The following TMEM232 variants were observed in gnomAD, a reference collection of about 807,000 sequenced individuals.
TMEM232 encodes transmembrane protein 232.
Under a neutral mutation model 78.8 loss-of-function variants are expected in TMEM232, and 80 were observed. That is an observed-to-expected ratio of 1.01 (90% CI 0.85 to 1.22). The LOEUF (loss-of-function observed/expected upper bound fraction) is 1.22. TMEM232 is among the 50% of genes most tolerant of loss of function. TMEM232 has a pLI of 0.00. For missense variants in TMEM232, 881 were observed against 742.2 expected, an observed-to-expected ratio of 1.19 and a Z score of -2.17; for synonymous variants, 297 against 254.3, an observed-to-expected ratio of 1.17 and a Z score of -1.60.
intron 1 of TMEM232, among the ~76,000 whole-genome samples, chr5:110,719,059 C>G (rs1241354421): frequency 6.6e-6 from 1 of 151,966 alleles, no homozygotes; most frequent in East Asian, 1.9e-4. Context: ...ATAGTAGCAC[C>G]TACTACACAC....
At chr5:110,446,810 A>G (rs1046344745) in intron 12 of TMEM232, among the ~76,000 whole-genome samples, 2 of 152,098 alleles carry the variant, frequency 1.3e-5, no homozygotes, top group South Asian at 4.1e-4. Context: ...GAAATCTGCT[A>G]TGTTGGGTTT....
intron 1 of TMEM232, among the ~76,000 whole-genome samples, chr5:110,718,321 A>T (rs1225982707): frequency 6.6e-6 from 1 of 152,178 alleles, no homozygotes; most frequent in African/African-American, 2.4e-5. Flanking sequence ...CAGGATTATT[A>T]TGAAGTTTTC....
intron 12 of TMEM232, among the ~76,000 whole-genome samples, chr5:110,472,374 A>G (rs529523954): frequency 1.3e-5 from 2 of 151,976 alleles, no homozygotes; most frequent in African/African-American, 4.8e-5. Context: ...ACTATAAAAC[A>G]CTGATTATAA....
At chr5:110,542,197 GGT>G (rs1284289757) in intron 11 of TMEM232, among the ~76,000 whole-genome samples, 3 of 152,046 alleles carry the variant, frequency 2.0e-5, no homozygotes, top group African/African-American at 4.8e-5. Context: ...AACTTTCCTT[GGT>G]GTCTTTGTTG....
intron 1 of TMEM232, among the ~76,000 whole-genome samples, chr5:110,700,069 A>G (rs1014078286): frequency 6.6e-6 from 1 of 152,070 alleles, no homozygotes; most frequent in African/African-American, 2.4e-5. Flanking sequence ...AAATCCACTA[A>G]GCAATTTTCT....
rs757610709 is a variant in TMEM232 at position 110,640,955 on chromosome 5, C to A, written c.279G>T (p.Val93=). ...CTTCAGTCCATGCAGCAGGAAGATG[C>A]ACATGCCTTCCAGAGCCCAGGGTTT... ...GLKTLGSGRH[V]HLPAAWTEVI... Residue 93 remains valine, a synonymous_variant, in exon 4 of 14, where the codon GTG becomes GTT. Transcript: ENST00000455884. 6.5e-7 allele frequency: 1 copy of A among 1,539,332 alleles called. No homozygotes were observed. Among genetic ancestry groups the A allele is most frequent in the Non-Finnish European group, 8.8e-7 (1 of 1,140,920 alleles).
chr5:110,447,027 C>A (rs932530848), intron 12 of TMEM232, among the ~76,000 whole-genome samples: 4 of 151,858 alleles, frequency 2.6e-5, no homozygotes, highest in Non-Finnish European at 5.9e-5. Context: ...TGAAAGCAGG[C>A]AGACCTCCCT....
chr5:110,464,776 A>G (rs1761897008), intron 12 of TMEM232, among the ~76,000 whole-genome samples: 1 of 152,204 alleles, frequency 6.6e-6, no homozygotes, highest in Non-Finnish European at 1.5e-5. Flanking sequence ...CCTGGGAGTT[A>G]AACTCATATA....
At chr5:110,672,834 T>TTAG (rs1432353068) in intron 1 of TMEM232, among the ~76,000 whole-genome samples, 4 of 147,936 alleles carry the variant, frequency 2.7e-5, no homozygotes, top group Non-Finnish European at 5.9e-5. Context: ...TTTATTGTTA[T>TTAG]TATTATTATT....
intron 12 of TMEM232, among the ~76,000 whole-genome samples, chr5:110,515,781 T>A (rs1344955564): frequency 6.6e-6 from 1 of 152,180 alleles, no homozygotes; most frequent in Non-Finnish European, 1.5e-5. Flanking sequence ...CAGCTCCTTT[T>A]ATAAAGGAAG....
chr5:110,528,484 G>A (rs1770938557), intron 12 of TMEM232, 104 bp downstream of exon 12: 2 of 1,265,788 alleles, frequency 1.6e-6, no homozygotes, highest in Admixed American at 3.4e-5. Flanking sequence ...TTGAATTGAA[G>A]AAGAGAAACT....
intron 12 of TMEM232, among the ~76,000 whole-genome samples, chr5:110,466,898 TTGTGTGTG>T (rs36031837): frequency 6.7e-6 from 1 of 149,660 alleles, no homozygotes; most frequent in Non-Finnish European, 1.5e-5. Flanking sequence ...ACTATAGTAT[TTGTGTGTG>T]TGTGTGTGTG....
At chr5:110,438,911 A>G (rs1758722474) in intron 12 of TMEM232, among the ~76,000 whole-genome samples, 1 of 152,084 alleles carries the variant, frequency 6.6e-6, no homozygotes, top group African/African-American at 2.4e-5. Flanking sequence ...TAACTTTCAC[A>G]CTCAGAACTC....
chr5:110,670,689 T>C (rs1478601167), intron 1 of TMEM232, among the ~76,000 whole-genome samples: 2 of 152,094 alleles, frequency 1.3e-5, no homozygotes, highest in African/African-American at 4.8e-5. Flanking sequence ...GGTCTAACTT[T>C]AATGTAAAAC....
At chr5:110,450,537 C>A (rs894016632) in intron 12 of TMEM232, among the ~76,000 whole-genome samples, 2 of 152,082 alleles carry the variant, frequency 1.3e-5, no homozygotes, top group African/African-American at 4.8e-5. Flanking sequence ...TGGATTCACT[C>A]TCCCTGTTGC....
chr5:110,722,827 GTA>G (rs1797782707), intron 1 of TMEM232, among the ~76,000 whole-genome samples: 2 of 152,182 alleles, frequency 1.3e-5, no homozygotes, highest in South Asian at 4.1e-4. Context: ...GTATCTGTCT[GTA>G]TGTTAGTGGA....
intron 12 of TMEM232, among the ~76,000 whole-genome samples, chr5:110,490,439 G>C (rs545726598): frequency 6.6e-6 from 1 of 152,124 alleles, no homozygotes; most frequent in African/African-American, 2.4e-5. Flanking sequence ...AATACTCTGT[G>C]AATTAATCAA....
intron 12 of TMEM232, among the ~76,000 whole-genome samples, chr5:110,514,367 A>G (rs1488821707): frequency 2.0e-5 from 3 of 150,724 alleles, no homozygotes; most frequent in Non-Finnish European, 1.5e-5. Context: ...TAAACCTTCC[A>G]CTTATTATTT....
chr5:110,470,991 A>T (rs1762609672), intron 12 of TMEM232, among the ~76,000 whole-genome samples: 2 of 152,230 alleles, frequency 1.3e-5, no homozygotes, highest in African/African-American at 4.8e-5. Context: ...CAATTTGGTT[A>T]AACCAGGAAA....
Sources: gnomAD v4.1 joint callset for allele counts (sites outside exome capture counted in the v4.1 genomes callset) on GRCh38, gnomAD v4.1.1 for gene constraint, MANE v1.5 for transcripts, NCBI Gene and HGNC (gene_info 2026-07-23, HGNC 2026-07-21) for gene names.